SHROOM1: variants seen among roughly 807,000 people sequenced by gnomAD.
SHROOM1 encodes shroom family member 1.
Under a neutral mutation model 64.2 loss-of-function variants are expected in SHROOM1, and 53 were observed. The ratio of observed to expected loss-of-function variants is 0.83; its 90% confidence interval spans 0.66 to 1.04. SHROOM1 has a LOEUF of 1.04. Ranked by LOEUF, SHROOM1 falls within the 50% of genes least tolerant of loss-of-function variation. The probability of loss-of-function intolerance (pLI) is 0.00; values close to 1 mark genes in which losing one functional copy is unlikely to be tolerated. For synonymous variants in SHROOM1, 490 were observed against 518.9 expected (o/e 0.94, Z 0.76); for missense variants, 1,179 against 1,163.2 (o/e 1.01, Z -0.20).
At chr5:132,824,965 G>T in intron 5 of SHROOM1, 53 bp downstream of exon 5, 1 of 1,606,374 alleles carries the variant, frequency 6.2e-7, no homozygotes, top group South Asian at 1.1e-5. Flanking sequence ...TTGGGCAAAA[G>T]CTATGCAAGC....
In SHROOM1 at chr5:132,825,533, G is replaced by A. The variant is rs754943917; in HGVS notation, c.608C>T (p.Ala203Val). ...GGEGEPARSRAPAPGTAGRGP... is the reference protein window; with the variant it reads ...GGEGEPARSRVPAPGTAGRGP... The stretch of plus-strand genomic sequence containing the variant: ...CCGGCCGGCAGTTCCTGGCGCGGGA[G>A]CCCGGGAGCGCGCCGGCTCCCCCTC... The change falls in exon 4 of 10, where the codon GCT becomes GTT. Residue 203 changes from alanine (A) to valine (V), a missense_variant. Transcript: ENST00000378679. The surrounding 1 kb of genome is among the most constrained non-coding windows in gnomAD (Gnocchi z 5.1). 9 of 1,444,990 alleles carry A rather than the reference G, an allele frequency of 6.2e-6. No individual in the cohort carries two copies. The African/African-American group carries it at 1.2e-4, about 19-fold the overall frequency. 89.5% of individuals were successfully genotyped at this position (1,444,990 alleles called of 1,614,324 possible).
Position 132,823,710 on chromosome 5 carries a change from C to G in SHROOM1, c.1866G>C (p.Arg622Ser). Residue 622 changes from arginine to serine, a missense_variant, in exon 8 of 10, where the codon AGG becomes AGC. Arg to Ser is a moderately radical substitution (Grantham distance 110, BLOSUM62 -1). Coordinates refer to ENST00000378679, the MANE Select transcript of SHROOM1 (RefSeq NM_001172700.2). This position sits in a 1 kb window ranked among gnomAD's most constrained non-coding sequence, Gnocchi z 4.6. ...QLLPAPREETRLENPATHPVL... is the reference protein window; with the variant it reads ...QLLPAPREETSLENPATHPVL... ...CAGGGTGGGTGGCAGGGTTTTCAAG[C>G]CTTGTCTCCTCCCGAGGAGCCGGCA... 1.2e-6 allele frequency: 2 copies of G among 1,611,642 alleles called. No individual in the cohort carries two copies. Among genetic ancestry groups the G allele is most frequent in the Non-Finnish European group, 1.7e-6 (2 of 1,178,958 alleles).
chr5:132,824,348 T>G lies in SHROOM1; in HGVS notation c.1313A>C (p.Glu438Ala), dbSNP rs765897786. 6.2e-7 allele frequency: 1 copy of G among 1,605,936 alleles called. No homozygotes were observed. The highest frequency in any genetic ancestry group is 8.5e-7 in the Non-Finnish European group (1 of 1,176,056). ...TCCTGGACACTCATGGAGCGGGTAC[T>G]CTGTGGGGACTGTAACCTGGCCAGT... ...QRTGQVTVPT[E>A]YPLHECPGTA... Residue 438 changes from glutamate (E) to alanine (A), a missense_variant, in exon 7 of 10, where the codon GAG (glutamate) becomes GCG (alanine). By Grantham distance (107) the Glu-to-Ala change is moderately radical (BLOSUM62 -1). Transcript: ENST00000378679.
intron 1 of SHROOM1, among the ~76,000 whole-genome samples, chr5:132,829,037 G>C (rs1758778865): frequency 6.6e-6 from 1 of 152,232 alleles, no homozygotes; most frequent in Non-Finnish European, 1.5e-5. Context: ...CTGTGGGCTG[G>C]GCTGTTATGC....
Position 132,825,851 on chromosome 5 carries a change from G to A in SHROOM1, c.290C>T (p.Pro97Leu). ...TCCCGGGGTCCCCGGGACCTCTGTT[G>A]GCTGCGGCCCACTGCGGGCTGCAAC... ...PAVAARSGPQ[P>L]TEVPGTPGPL... Residue 97 changes from proline to leucine, a missense_variant, in exon 4 of 10, where the codon CCA becomes CTA. Transcript: ENST00000378679. The surrounding 1 kb of genome is among the most constrained non-coding windows in gnomAD (Gnocchi z 5.1). The A allele has an allele frequency of 7.8e-7, 1 of 1,284,160 alleles. No homozygotes were observed. Among genetic ancestry groups the A allele is most frequent in the Non-Finnish European group, 9.9e-7 (1 of 1,012,208 alleles). 79.5% of individuals were successfully genotyped at this position (1,284,160 alleles called of 1,614,324 possible).
rs1462667260 is a variant in SHROOM1, at chr5:132,823,662, C to T, written c.1914G>A (p.Gln638=). 1 of 1,609,658 alleles carries T rather than the reference C, an allele frequency of 6.2e-7. No individual in the cohort carries two copies. Among genetic ancestry groups the T allele is most frequent in the East Asian group, 2.2e-5 (1 of 44,838 alleles). Residue 638 remains glutamine, a synonymous_variant, in exon 8 of 10, where the codon CAG becomes CAA. Transcript: ENST00000378679. This position sits in a 1 kb window ranked among gnomAD's most constrained non-coding sequence, Gnocchi z 4.6. ...TGCTGTTGTTTGGTGCAGGGAGCCC[C>T]TGCCCACATGGCTGGTCAAGCACAG... ...THPVLDQPCG[Q]GLPAPNNSIQ...
At chr5:132,824,996 C>A in intron 5 of SHROOM1, 22 bp downstream of exon 5, 1 of 1,613,564 alleles carries the variant, frequency 6.2e-7, no homozygotes, top group East Asian at 2.2e-5. Context: ...CAACTTGGTC[C>A]AGAGTGGTCC....
rs765251370 is a variant in SHROOM1, at chr5:132,824,117, G to A, written c.1544C>T (p.Thr515Ile). 1.2e-5 allele frequency: 19 copies of A among 1,614,180 alleles called. No individual in the cohort carries two copies. The East Asian group carries it at 1.6e-4, about 13-fold the overall frequency. Residue 515 changes from threonine to isoleucine, a missense_variant, in exon 7 of 10, where the codon ACT becomes ATT. Thr to Ile is a moderately conservative substitution (Grantham distance 89). Coordinates refer to ENST00000378679, the MANE Select transcript of SHROOM1 (RefSeq NM_001172700.2). ...ADALGLSGND[T>I]PGPSHNTALA... is the part of the protein sequence containing the mutation. Reference sequence around the variant, plus strand: ...GGCAGTATTGTGAGAGGGACCTGGAGTATCATTGCCTGAAAGTCCCAAGGC... The same window carrying A: ...GGCAGTATTGTGAGAGGGACCTGGAATATCATTGCCTGAAAGTCCCAAGGC...
At chr5:132,827,953 CCTGGGT>C (rs1364360380) in intron 1 of SHROOM1, among the ~76,000 whole-genome samples, 1 of 151,942 alleles carries the variant, frequency 6.6e-6, no homozygotes, top group East Asian at 1.9e-4. Context: ...AGTGGGTGTG[CCTGGGT>C]CAGGGTAAGA....
Position 132,823,962 on chromosome 5 carries a change from C to A in SHROOM1, c.1699G>T (p.Glu567Ter). 6.2e-7 allele frequency: 1 copy of A among 1,600,570 alleles called. No homozygotes were observed. Among genetic ancestry groups the A allele is most frequent in the Non-Finnish European group, 8.5e-7 (1 of 1,173,490 alleles). ...CCATCCAGCAGGCCCAGGGGTGGCT[C>A]TGGGCTGGGCTGGGAAGCAAGAGGG... ...CDPLASQPSP[E>*]PPLGLLDGLI... is the part of the protein sequence containing the mutation. The change falls in exon 7 of 10, where the codon GAG becomes TAG. Residue 567 changes from glutamate to a stop codon, truncating the protein, a stop_gained. Coordinates refer to ENST00000378679, the MANE Select transcript of SHROOM1 (RefSeq NM_001172700.2). LOFTEE classifies it high-confidence loss of function. This position sits in a 1 kb window ranked among gnomAD's most constrained non-coding sequence, Gnocchi z 4.6.
At position 132,824,192 on chromosome 5, in the gene SHROOM1, T is replaced by C. The variant is rs771320044; in HGVS notation, c.1469A>G (p.Asn490Ser). ...GTCACTCTCTGCAGCTGTGGGGGGATTGGTGGTCAGTCCAGTGGGGTCAAT... is the reference window on the plus strand; with the variant it reads ...GTCACTCTCTGCAGCTGTGGGGGGACTGGTGGTCAGTCCAGTGGGGTCAAT... Reference protein sequence around the residue: ...PTIDPTGLTTNPPTAAESDLL... With the variant: ...PTIDPTGLTTSPPTAAESDLL... The change falls in exon 7 of 10, where the codon AAT (asparagine) becomes AGT (serine). Residue 490 changes from asparagine to serine, a missense_variant. Physicochemically the swap from Asn to Ser is conservative, Grantham distance 46. Coordinates refer to ENST00000378679, the MANE Select transcript of SHROOM1 (RefSeq NM_001172700.2). 2.5e-6 allele frequency: 4 copies of C among 1,614,024 alleles called. No homozygotes were observed. The Admixed American group carries it at 5.0e-5, about 20-fold the overall frequency.
At position 132,830,608 on chromosome 5, in the gene SHROOM1, G is replaced by A. The variant is rs1220917608; in HGVS notation, c.-515C>T. 7.1e-6 allele frequency: 7 copies of A among 985,306 alleles called. No homozygotes were observed. Among genetic ancestry groups the A allele is most frequent in the African/African-American group, 1.7e-5 (1 of 57,198 alleles). 61.0% of individuals were successfully genotyped at this position (985,306 alleles called of 1,614,324 possible). A position where few individuals can be genotyped will look rare whatever the true frequency, so the allele number is the denominator to read the frequency against. On this transcript the variant is annotated 5_prime_UTR_variant, in exon 1 of 10. Coordinates refer to ENST00000378679, the MANE Select transcript of SHROOM1 (RefSeq NM_001172700.2). This position sits in a 1 kb window ranked among gnomAD's most constrained non-coding sequence, Gnocchi z 5.9. ...CCGCCGCGTACCTGAGGCTCCCGCC[G>A]AGACGCGCTCCTGGGCCGTCGCAGC...
rs1224621460 is a variant in SHROOM1 at position 132,822,349 on chromosome 5, A to ATATTTTTTT, written c.*446_*447insAAAAAAATA. On this transcript the variant is annotated 3_prime_UTR_variant, in exon 10 of 10. Coordinates refer to ENST00000378679, the MANE Select transcript of SHROOM1 (RefSeq NM_001172700.2). ...CCACATGAGAACACTTTGGAGAAGT[A>ATATTTTTTT]TCTTTTTTTTTTTTTTTTTTTTTTT... The ATATTTTTTT allele has an allele frequency of 1.2e-5, 1 of 86,320 alleles. No individual in the cohort carries two copies. Among genetic ancestry groups the ATATTTTTTT allele is most frequent in the Non-Finnish European group, 2.4e-5 (1 of 41,366 alleles). 5.3% of individuals were successfully genotyped at this position (86,320 alleles called of 1,614,324 possible).
At position 132,823,548 on chromosome 5, in the gene SHROOM1, C is replaced by T. The variant is rs762576017; in HGVS notation, c.1954-26G>A. Reference sequence around the variant, plus strand: ...CTACAGGGAAGGCTCAAGGCTGGGGCCAGGCTCATGACTTCCCTGCCCAGG... The same window carrying T: ...CTACAGGGAAGGCTCAAGGCTGGGGTCAGGCTCATGACTTCCCTGCCCAGG... On this transcript the variant is annotated intron_variant, in intron 8 of 9. Coordinates refer to ENST00000378679, the MANE Select transcript of SHROOM1 (RefSeq NM_001172700.2). This position sits in a 1 kb window ranked among gnomAD's most constrained non-coding sequence, Gnocchi z 4.6. 1.9e-6 allele frequency: 3 copies of T among 1,578,894 alleles called. No homozygotes were observed. Among genetic ancestry groups the T allele is most frequent in the Non-Finnish European group, 2.6e-6 (3 of 1,158,820 alleles).
In SHROOM1 at chr5:132,825,561, C is replaced by T. The variant is rs764722030; in HGVS notation, c.580G>A (p.Gly194Arg). The T allele has an allele frequency of 1.4e-6, 2 of 1,414,312 alleles. No individual in the cohort carries two copies. The highest frequency in any genetic ancestry group is 1.8e-6 in the Non-Finnish European group (2 of 1,092,720). 87.6% of individuals were successfully genotyped at this position (1,414,312 alleles called of 1,614,324 possible). ...PRSASLSHPG[G>R]EGEPARSRAP... ...CGGGAGCGCGCCGGCTCCCCCTCCC[C>T]GCCCGGGTGGCTGAGCGAGGCGGAG... is the stretch of plus-strand genomic sequence containing the variant. The change falls in exon 4 of 10, where the codon GGG becomes AGG. Residue 194 changes from glycine (G) to arginine (R), a missense_variant. Transcript: ENST00000378679. The surrounding 1 kb of genome is among the most constrained non-coding windows in gnomAD (Gnocchi z 5.1).
chr5:132,829,813 G>A, intron 1 of SHROOM1: 5 of 985,466 alleles, frequency 5.1e-6, no homozygotes, highest in Non-Finnish European at 6.0e-6. Flanking sequence ...GGCTCTCCCT[G>A]TCCCCAGCGT....
chr5:132,823,807 T>G lies in SHROOM1; in HGVS notation c.1811+43A>C. On this transcript the variant is annotated intron_variant, in intron 7 of 9. Transcript: ENST00000378679. This position sits in a 1 kb window ranked among gnomAD's most constrained non-coding sequence, Gnocchi z 4.6. ...GCTCCCTGGGTTTCCTGTCCCCAAC[T>G]TCAGGGGCTCAGTGTCCAGATTCCC... 1 of 1,530,796 alleles carries G rather than the reference T, an allele frequency of 6.5e-7. No homozygotes were observed. 94.8% of individuals were successfully genotyped at this position (1,530,796 alleles called of 1,614,324 possible). A position where few individuals can be genotyped will look rare whatever the true frequency, so the allele number is the denominator to read the frequency against.
rs1246396978 is a variant in SHROOM1, at chr5:132,823,660, C to T, written c.1916G>A (p.Gly639Glu). 2 of 1,609,174 alleles carry T rather than the reference C, an allele frequency of 1.2e-6. No homozygotes were observed. Among genetic ancestry groups the T allele is most frequent in the African/African-American group, 1.3e-5 (1 of 74,684 alleles). The change falls in exon 8 of 10, where the codon GGG (glycine) becomes GAG (glutamate). Residue 639 changes from glycine to glutamate, a missense_variant. Gly to Glu is a moderately conservative substitution (Grantham distance 98, BLOSUM62 -2). Transcript: ENST00000378679. This position sits in a 1 kb window ranked among gnomAD's most constrained non-coding sequence, Gnocchi z 4.6. ...GATGCTGTTGTTTGGTGCAGGGAGC[C>T]CCTGCCCACATGGCTGGTCAAGCAC... ...HPVLDQPCGQ[G>E]LPAPNNSIQG...
Position 132,826,059 on chromosome 5 carries a change from G to A in SHROOM1, c.82C>T (p.Arg28Cys), listed in dbSNP as rs1046837990. ...AAAGAGCTGTAGGCCGAGTCCGCGC[G>A]CATGGACAGATGCCACAGGTCCAGG... Reference protein sequence around the residue: ...SSLDLWHLSMRADSAYSSFSA... With the variant: ...SSLDLWHLSMCADSAYSSFSA... Residue 28 changes from arginine to cysteine, a missense_variant, in exon 4 of 10, where the codon CGC becomes TGC. Arg to Cys is a radical substitution (Grantham distance 180). Transcript: ENST00000378679. 8.2e-6 allele frequency: 12 copies of A among 1,467,496 alleles called. No homozygotes were observed. The East Asian group carries it at 1.1e-4, about 13-fold the overall frequency. The allele number at this position is 1,467,496 out of a possible 1,614,324, so 90.9% of individuals were successfully genotyped here. A position where few individuals can be genotyped will look rare whatever the true frequency, so the allele number is the denominator to read the frequency against.
Sources: gnomAD v4.1 joint callset for allele counts (sites outside exome capture counted in the v4.1 genomes callset) on GRCh38, gnomAD v4.1.1 for gene constraint, Gnocchi (gnomAD v3.1) non-coding constraint, MANE v1.5 for transcripts, NCBI Gene and HGNC (gene_info 2026-07-23, HGNC 2026-07-21) for gene names.